HMCN1: variants seen among roughly 807,000 people sequenced by gnomAD.
The protein encoded by HMCN1 is hemicentin-1.
Under a neutral mutation model 625.9 loss-of-function variants are expected in HMCN1, and 321 were observed. That is an observed-to-expected ratio of 0.51 (90% CI 0.47 to 0.56). HMCN1 has a LOEUF of 0.56. Among genes scored for constraint, HMCN1 ranks in the 20% least tolerant of loss-of-function variants. The pLI is 0.00. For missense variants in HMCN1, 6,588 were observed against 6,887.3 expected (o/e 0.96, Z 1.54); for synonymous variants, 2,425 against 2,417.6 (o/e 1.00, Z -0.09).
intron 1 of HMCN1, among the ~76,000 whole-genome samples, chr1:185,756,537 A>C (rs1294610201): frequency 6.6e-6 from 1 of 152,094 alleles, no homozygotes; most frequent in African/African-American, 2.4e-5. Flanking sequence ...TTTCTCTATA[A>C]ATTGTAGTGA....
intron 70 of HMCN1, among the ~76,000 whole-genome samples, chr1:186,107,488 TATG>T (rs1224948638): frequency 1.4e-4 from 21 of 152,240 alleles, no homozygotes; most frequent in Admixed American, 6.5e-4. Flanking sequence ...GTCACAAAAA[TATG>T]ATGATAGAAA....
intron 1 of HMCN1, among the ~76,000 whole-genome samples, chr1:185,801,849 T>C (rs1238086431): frequency 6.6e-6 from 1 of 152,174 alleles, no homozygotes; most frequent in Non-Finnish European, 1.5e-5. Context: ...GGCATTGTTG[T>C]CCATGCTTAG....
At chr1:185,762,053 A>C (rs1655546052) in intron 1 of HMCN1, among the ~76,000 whole-genome samples, 1 of 152,208 alleles carries the variant, frequency 6.6e-6, no homozygotes, top group Non-Finnish European at 1.5e-5. Context: ...GAAGAAAAAG[A>C]ATTTCCGTGT....
chr1:186,078,937 G>A (rs1658997181), intron 55 of HMCN1, among the ~76,000 whole-genome samples: 1 of 152,200 alleles, frequency 6.6e-6, no homozygotes. Flanking sequence ...GAGTTACAAG[G>A]AAAAGAGATG....
chr1:185,986,876 TA>T (rs986238765), intron 19 of HMCN1, among the ~76,000 whole-genome samples: 17 of 147,382 alleles, frequency 1.2e-4, no homozygotes, highest in African/African-American at 4.0e-4. Context: ...TTAAATAAAA[TA>T]AAAAAACTCT....
chr1:185,808,353 T>A (rs548338033), intron 1 of HMCN1, among the ~76,000 whole-genome samples: 1 of 151,640 alleles, frequency 6.6e-6, no homozygotes, highest in East Asian at 1.9e-4. Flanking sequence ...TCTCAAAAAA[T>A]AAATAAATAA....
chr1:185,831,306 A>T (rs1051361658), intron 1 of HMCN1, among the ~76,000 whole-genome samples: 2 of 152,198 alleles, frequency 1.3e-5, no homozygotes, highest in African/African-American at 2.4e-5. Flanking sequence ...TAATATATAT[A>T]AAAGGCATTT....
At chr1:185,820,346 A>G (rs1451820032) in intron 1 of HMCN1, among the ~76,000 whole-genome samples, 1 of 152,140 alleles carries the variant, frequency 6.6e-6, no homozygotes, top group Admixed American at 6.6e-5. Context: ...GTCATAGAGT[A>G]TTTGAGATTG....
At chr1:186,155,281 C>T (rs769777728) in intron 97 of HMCN1, among the ~76,000 whole-genome samples, 15 of 152,076 alleles carry the variant, frequency 9.9e-5, no homozygotes, top group Non-Finnish European at 1.6e-4. Flanking sequence ...CACAGATTCA[C>T]GAAGTCTCAT....
intron 11 of HMCN1, among the ~76,000 whole-genome samples, chr1:185,934,130 A>AT (rs1252601720): frequency 1.3e-5 from 2 of 152,150 alleles, no homozygotes; most frequent in Non-Finnish European, 1.5e-5. Context: ...CATCTTGTGG[A>AT]TTTTTTTAAA....
chr1:186,111,923 C>T (rs1440460246), intron 71 of HMCN1, among the ~76,000 whole-genome samples: 4 of 152,128 alleles, frequency 2.6e-5, no homozygotes, highest in African/African-American at 7.2e-5. Flanking sequence ...GGACCAAGCT[C>T]ATACGGTAGA....
At chr1:185,932,179 A>T (rs992415773) in intron 10 of HMCN1, among the ~76,000 whole-genome samples, 1 of 152,210 alleles carries the variant, frequency 6.6e-6, no homozygotes, top group African/African-American at 2.4e-5. Flanking sequence ...AGCTATTTTC[A>T]TAAGATATTT....
chr1:186,048,821 T>C lies in HMCN1; in HGVS notation c.6559T>C (p.Tyr2187His). The C allele has an allele frequency of 6.2e-7, 1 of 1,607,480 alleles. No individual in the cohort carries two copies. The highest frequency in any genetic ancestry group is 1.1e-5 in the South Asian group (1 of 90,952). ...TGTTGCTGGAAAAACTGAAAAAAAC[T>C]ACAATGTCAACATTTGGGGTAAGTG... ...TNVAGKTEKN[Y>H]NVNIWVPPNI... The change falls in exon 42 of 107, where the codon TAC becomes CAC. Residue 2187 changes from tyrosine to histidine, a missense_variant. Physicochemically the swap from Tyr to His is moderately conservative, Grantham distance 83. Coordinates refer to ENST00000271588, the MANE Select transcript of HMCN1 (RefSeq NM_031935.3).
At chr1:185,982,423 T>G in intron 18 of HMCN1, 34 bp downstream of exon 18, 1 of 1,588,540 alleles carries the variant, frequency 6.3e-7, no homozygotes, top group Non-Finnish European at 8.6e-7. Flanking sequence ...ATTCACATTC[T>G]TTTGTGAGTT....
rs140057862 is a variant in HMCN1 at position 186,038,857 on chromosome 1, A to G, written c.5880A>G (p.Leu1960=). 5 of 1,604,422 alleles carry G rather than the reference A, an allele frequency of 3.1e-6. No individual in the cohort carries two copies. In the African/African-American group the frequency reaches 5.4e-5, roughly 17 times the overall value. ...TTACATGGTACAAAGATAATCGTCT[A>G]CTCTCAGGTTCCACCAGCATGACTT... The part of the protein sequence containing the change: ...PVITWYKDNR[L]LSGSTSMTFL... Residue 1960 remains leucine, a synonymous_variant, in exon 38 of 107, where the codon CTA becomes CTG. Transcript: ENST00000271588.
At position 186,036,262 on chromosome 1, in the gene HMCN1, C is replaced by T. The variant is rs923930840; in HGVS notation, c.5750-1672C>T. Among the ~76,000 whole-genome samples the T allele has an allele frequency of 4.6e-5, 7 of 151,892 alleles. No individual in the cohort carries two copies. The East Asian group carries it at 9.7e-4, about 21-fold the overall frequency. On this transcript the variant is annotated intron_variant, in intron 36 of 106. Coordinates refer to ENST00000271588, the MANE Select transcript of HMCN1 (RefSeq NM_031935.3). ...TTGTATTAGTCCATGTTCATGCTGC[C>T]GATAAAGACATACCCAAGACTGGGC...
intron 6 of HMCN1, among the ~76,000 whole-genome samples, chr1:185,920,045 T>C (rs1171812621): frequency 4.6e-5 from 7 of 152,230 alleles, no homozygotes; most frequent in Admixed American, 3.3e-4. Flanking sequence ...TAGCTTACTT[T>C]AATAGATATC....
In HMCN1 at chr1:185,909,502, C is replaced by G. The variant is rs1666295128; in HGVS notation, c.787C>G (p.Pro263Ala). ...GPSPMIEIRN[P>A]LGKLIKKGFG... ...TTCTCCAATGATTGAAATTCGCAATCCTTTAGGTGAGATATATCAAACATC... is the reference window on the plus strand; with the variant it reads ...TTCTCCAATGATTGAAATTCGCAATGCTTTAGGTGAGATATATCAAACATC... The change falls in exon 5 of 107, where the codon CCT becomes GCT. Residue 263 changes from proline to alanine, a missense_variant. Around this residue, in one of 3 missense-constraint regions of HMCN1, gnomAD observed 4,628 missense variants for 4,853.1 expected, o/e 0.95. Transcript: ENST00000271588. 6.2e-7 allele frequency: 1 copy of G among 1,612,396 alleles called. No homozygotes were observed. The highest frequency in any genetic ancestry group is 1.7e-5 in the Admixed American group (1 of 59,942).
chr1:186,007,176 A>C lies in HMCN1; in HGVS notation c.4524A>C (p.Gln1508His). The part of the protein sequence containing the change: ...DPNVELLDRG[Q>H]VLHLKNARRN... The stretch of plus-strand genomic sequence containing the variant: ...ATGTTGAACTTCTAGACAGAGGACA[A>C]GTCTTACATTTAAAGAATGCACGGA... The change falls in exon 30 of 107, where the codon CAA becomes CAC. Residue 1508 changes from glutamine to histidine, a missense_variant. Around this residue, in one of 3 missense-constraint regions of HMCN1, gnomAD observed 4,628 missense variants for 4,853.1 expected, o/e 0.95. Transcript: ENST00000271588. The C allele has an allele frequency of 6.2e-7, 1 of 1,613,290 alleles. No individual in the cohort carries two copies.
Sources: allele counts gnomAD v4.1 joint callset (sites outside exome capture counted in the v4.1 genomes callset), GRCh38; gene constraint gnomAD v4.1.1; regional missense constraint gnomAD v4.1.1; transcripts MANE v1.5; gene names NCBI Gene and HGNC (gene_info 2026-07-23, HGNC 2026-07-21).